TFAP2D: variants seen among roughly 807,000 people sequenced by gnomAD.
TFAP2D encodes the protein transcription factor AP-2 delta.
A neutral mutation model predicts 43.6 loss-of-function variants in TFAP2D; 9 were observed. That is an observed-to-expected ratio of 0.21 (90% CI 0.12 to 0.36). The LOEUF (loss-of-function observed/expected upper bound fraction) is 0.36, where lower values mean the gene tolerates loss of function less well. Among genes scored for constraint, TFAP2D ranks in the 10% least tolerant of loss-of-function variants. The pLI, the probability that TFAP2D is intolerant of heterozygous loss-of-function variation, is 1.00. For synonymous variants in TFAP2D, 256 were observed against 224.9 expected (o/e 1.14, Z -1.24); for missense variants, 513 against 561.4 (o/e 0.91, Z 0.87).
chr6:50,718,270 G>T lies in TFAP2D; in HGVS notation c.538-820G>T, dbSNP rs1182214731. ...GGCGAAAGGGAGCCAGGGTTGTAAAGGTTGTTTTGTAAAGTGGGTTTTTAT... is the reference window on the plus strand; with the variant it reads ...GGCGAAAGGGAGCCAGGGTTGTAAATGTTGTTTTGTAAAGTGGGTTTTTAT... On this transcript the variant is annotated intron_variant, in intron 2 of 7. Transcript: ENST00000008391. 2.6e-5 allele frequency: 4 copies of T among 152,080 alleles called. No homozygotes were observed. The East Asian group carries it at 7.7e-4, about 29-fold the overall frequency. The allele number at this position is 152,080 out of a possible 1,614,324, so 9.4% of individuals were successfully genotyped here.
At chr6:50,718,963 T>A in intron 2 of TFAP2D, 127 bp from the exon 3 acceptor site, 1 of 886,350 alleles carries the variant, frequency 1.1e-6, no homozygotes. Flanking sequence ...TTGCTTCAGC[T>A]CAATGCTTGC....
intron 2 of TFAP2D, among the ~76,000 whole-genome samples, chr6:50,716,740 T>C (rs1768634270): frequency 6.6e-6 from 1 of 152,238 alleles, no homozygotes; most frequent in Non-Finnish European, 1.5e-5. Flanking sequence ...GTTCCTACTT[T>C]TTGTGTCTGC....
intron 6 of TFAP2D, among the ~76,000 whole-genome samples, chr6:50,748,803 G>A (rs1769160425): frequency 6.6e-6 from 1 of 151,798 alleles, no homozygotes; most frequent in African/African-American, 2.4e-5. Flanking sequence ...ACAACTTTTA[G>A]TGTTACCATA....
chr6:50,766,800 C>T (rs1161746391), intron 7 of TFAP2D, among the ~76,000 whole-genome samples: 1 of 151,154 alleles, frequency 6.6e-6, no homozygotes, highest in Non-Finnish European at 1.5e-5. Context: ...TCCCGAGTAG[C>T]TGGGACTACA....
At position 50,772,722 on chromosome 6, in the gene TFAP2D, T is replaced by A; in HGVS notation, c.1217T>A (p.Leu406Gln). The change falls in exon 8 of 8, where the codon CTG becomes CAG. Residue 406 changes from leucine to glutamine, a missense_variant. By Grantham distance (113) the Leu-to-Gln change is moderately radical (BLOSUM62 -2). Coordinates refer to ENST00000008391, the MANE Select transcript of TFAP2D (RefSeq NM_172238.4). ...STFQTVLSEM[L>Q]NYLEKHTTHK... is the part of the protein sequence containing the mutation. The stretch of plus-strand genomic sequence containing the variant: ...TTCCAAACAGTTCTCAGTGAAATGC[T>A]GAACTACTTGGAAAAACACACTACT... 1 of 1,614,150 alleles carries A rather than the reference T, an allele frequency of 6.2e-7. No individual in the cohort carries two copies.
chr6:50,770,442 C>T (rs1317185030), intron 7 of TFAP2D, among the ~76,000 whole-genome samples: 5 of 151,836 alleles, frequency 3.3e-5, no homozygotes, highest in African/African-American at 1.2e-4. Flanking sequence ...TATATGTTAA[C>T]TATGATGGAG....
chr6:50,728,430 A>G (rs1768838614), intron 3 of TFAP2D, among the ~76,000 whole-genome samples: 2 of 152,240 alleles, frequency 1.3e-5, no homozygotes, highest in South Asian at 2.1e-4. Context: ...AATTGTGGAT[A>G]AAACATTTCC....
chr6:50,726,183 C>G (rs1768804680), intron 3 of TFAP2D, among the ~76,000 whole-genome samples: 1 of 152,182 alleles, frequency 6.6e-6, no homozygotes, highest in Admixed American at 6.5e-5. Flanking sequence ...CTGGGAGCAG[C>G]TGGCTTTCAA....
intron 5 of TFAP2D, among the ~76,000 whole-genome samples, chr6:50,735,511 C>T (rs1768950273): frequency 6.6e-6 from 1 of 152,186 alleles, no homozygotes; most frequent in Non-Finnish European, 1.5e-5. Flanking sequence ...GAACCTTCTG[C>T]TTCTACTTAA....
intron 2 of TFAP2D, among the ~76,000 whole-genome samples, chr6:50,717,322 C>T (rs1768643654): frequency 6.6e-6 from 1 of 152,188 alleles, no homozygotes; most frequent in African/African-American, 2.4e-5. Context: ...GCAATGTCAT[C>T]CGACCAAACA....
rs1311879558 is a variant in TFAP2D at position 50,744,674 on chromosome 6, A to G, written c.884-433A>G. On this transcript the variant is annotated intron_variant, in intron 5 of 7. Transcript: ENST00000008391. Reference sequence around the variant, plus strand: ...ATATGGACCCTTCGCAGGTATTTTAATAGGTCTCATGGAAAAAACATCTGA... The same window carrying G: ...ATATGGACCCTTCGCAGGTATTTTAGTAGGTCTCATGGAAAAAACATCTGA... Among the ~76,000 whole-genome samples the G allele has an allele frequency of 3.3e-5, 5 of 152,156 alleles. No homozygotes were observed. The South Asian group carries it at 1.0e-3, about 31-fold the overall frequency.
At chr6:50,719,501 G>GAAAGAAAGAAAGAAAGAAAGA (rs3835214) in intron 3 of TFAP2D, among the ~76,000 whole-genome samples, 10 of 133,460 alleles carry the variant, frequency 7.5e-5, no homozygotes, top group Non-Finnish European at 1.0e-4. Flanking sequence ...AAGAAAGAAA[G>GAAAGAAAGAAAGAAAGAAAGA]AAGTTTCTCA....
At chr6:50,765,328 G>A (rs1430942905) in intron 7 of TFAP2D, among the ~76,000 whole-genome samples, 1 of 152,156 alleles carries the variant, frequency 6.6e-6, no homozygotes, top group Non-Finnish European at 1.5e-5. Flanking sequence ...AATGAACATG[G>A]AGTTTAGATA....
chr6:50,713,767 T>C lies in TFAP2D; in HGVS notation c.-289T>C, dbSNP rs1581754299. ...TGATGCTTAATTTTCAAAACTTCTATATTACCAAGGGACCTACGACATCAG... is the reference window on the plus strand; with the variant it reads ...TGATGCTTAATTTTCAAAACTTCTACATTACCAAGGGACCTACGACATCAG... On this transcript the variant is annotated 5_prime_UTR_variant, in exon 1 of 8. Transcript: ENST00000008391. 7.9e-6 allele frequency: 4 copies of C among 505,676 alleles called. No homozygotes were observed. In the East Asian group the frequency reaches 1.1e-4, roughly 14 times the overall value. The allele number at this position is 505,676 out of a possible 1,614,324, so 31.3% of individuals were successfully genotyped here. A position where few individuals can be genotyped will look rare whatever the true frequency, so the allele number is the denominator to read the frequency against.
chr6:50,755,131 T>C (rs867807039), intron 7 of TFAP2D, among the ~76,000 whole-genome samples: 14 of 152,092 alleles, frequency 9.2e-5, no homozygotes, highest in Middle Eastern at 3.4e-3. Flanking sequence ...TTAATTTTTG[T>C]TTATGTTGCA....
intron 2 of TFAP2D, among the ~76,000 whole-genome samples, chr6:50,715,965 A>G (rs1427325052): frequency 2.0e-5 from 3 of 152,058 alleles, no homozygotes; most frequent in Non-Finnish European, 4.4e-5. Flanking sequence ...GAGGTGGAGG[A>G]GATCGAGGAG....
chr6:50,749,045 T>G (rs1769163471), intron 6 of TFAP2D, among the ~76,000 whole-genome samples: 1 of 151,824 alleles, frequency 6.6e-6, no homozygotes, highest in African/African-American at 2.4e-5. Flanking sequence ...CATAAAATCA[T>G]AATTCTGTAA....
intron 5 of TFAP2D, among the ~76,000 whole-genome samples, chr6:50,736,463 A>T (rs1768964356): frequency 6.6e-6 from 1 of 152,160 alleles, no homozygotes; most frequent in South Asian, 2.1e-4. Flanking sequence ...GATAAAACTT[A>T]TTGTTATCTA....
At chr6:50,749,754 TGAG>T (rs1348219674) in intron 6 of TFAP2D, among the ~76,000 whole-genome samples, 3 of 151,840 alleles carry the variant, frequency 2.0e-5, no homozygotes, top group South Asian at 2.1e-4. Context: ...ACAGAAAATG[TGAG>T]GAGTTCAGAA....
Sources: gnomAD v4.1 joint callset for allele counts (sites outside exome capture counted in the v4.1 genomes callset) on GRCh38, gnomAD v4.1.1 for gene constraint, MANE v1.5 for transcripts, NCBI Gene and HGNC (gene_info 2026-07-23, HGNC 2026-07-21) for gene names.